Variants in PDZRN4 observed in about 807,000 individuals in gnomAD.
The protein encoded by PDZRN4 is PDZ domain-containing RING finger protein 4.
In PDZRN4, 70 loss-of-function variants were observed where a neutral mutation model predicts 99.0. That is an observed-to-expected ratio of 0.71 (90% CI 0.58 to 0.86). The LOEUF (loss-of-function observed/expected upper bound fraction) is 0.86. PDZRN4 is among the 40% of genes least tolerant of loss of function. The probability of loss-of-function intolerance (pLI) is 0.00; values close to 1 mark genes in which losing one functional copy is unlikely to be tolerated. For synonymous variants in PDZRN4, 551 were observed against 501.6 expected, an observed-to-expected ratio of 1.10 and a Z score of -1.32; for missense variants, 1,474 against 1,331.2, an observed-to-expected ratio of 1.11 and a Z score of -1.67.
At chr12:41,387,722 A>G (rs1336626096) in intron 3 of PDZRN4, among the ~76,000 whole-genome samples, 1 of 152,232 alleles carries the variant, frequency 6.6e-6, no homozygotes, top group East Asian at 1.9e-4. Context: ...CAAAACCACA[A>G]TGAGCTACCA....
At chr12:41,324,851 G>T (rs1951700612) in intron 3 of PDZRN4, among the ~76,000 whole-genome samples, 1 of 152,068 alleles carries the variant, frequency 6.6e-6, no homozygotes, top group Non-Finnish European at 1.5e-5. Flanking sequence ...GTTGATGTGA[G>T]AATATTTGGA....
chr12:41,525,940 C>T (rs1938560784), intron 5 of PDZRN4, among the ~76,000 whole-genome samples: 1 of 152,102 alleles, frequency 6.6e-6, no homozygotes, highest in Non-Finnish European at 1.5e-5. Flanking sequence ...CTTTGATTCT[C>T]TGCCATTTTT....
intron 3 of PDZRN4, among the ~76,000 whole-genome samples, chr12:41,502,634 C>T (rs1938131062): frequency 6.6e-6 from 1 of 152,106 alleles, no homozygotes; most frequent in South Asian, 2.1e-4. Flanking sequence ...TGGGTATCTA[C>T]CCTTAACTAC....
intron 3 of PDZRN4, among the ~76,000 whole-genome samples, chr12:41,420,667 C>T (rs1251334943): frequency 1.3e-5 from 2 of 152,152 alleles, no homozygotes; most frequent in Non-Finnish European, 1.5e-5. Context: ...ACTCCCTTAA[C>T]TCTTGTCTTT....
At chr12:41,518,767 T>C (rs756690218) in intron 5 of PDZRN4, among the ~76,000 whole-genome samples, 2 of 151,964 alleles carry the variant, frequency 1.3e-5, no homozygotes, top group Non-Finnish European at 2.9e-5. Context: ...GTCTGGCCTA[T>C]GTAGTGAGAC....
intron 2 of PDZRN4, among the ~76,000 whole-genome samples, chr12:41,191,746 T>TTATA (rs1950736737): frequency 1.8e-5 from 1 of 54,690 alleles, no homozygotes; most frequent in Admixed American, 2.0e-4. Context: ...TACCCAGATT[T>TTATA]TATTTATTTA....
intron 5 of PDZRN4, among the ~76,000 whole-genome samples, chr12:41,541,900 A>C (rs1938864614): frequency 1.3e-5 from 2 of 152,182 alleles, no homozygotes; most frequent in South Asian, 4.1e-4. Context: ...TATTTAGGCA[A>C]AAGGTATTTT....
intron 3 of PDZRN4, among the ~76,000 whole-genome samples, chr12:41,195,358 T>A (rs911548426): frequency 6.6e-6 from 1 of 152,194 alleles, no homozygotes; most frequent in Admixed American, 6.5e-5. Flanking sequence ...ACTAGTGCTA[T>A]CTCTCTGAAT....
chr12:41,195,295 A>G (rs1160505667), intron 3 of PDZRN4, among the ~76,000 whole-genome samples: 2 of 152,202 alleles, frequency 1.3e-5, no homozygotes, highest in Non-Finnish European at 2.9e-5. Flanking sequence ...TGGAAGGTTT[A>G]CTTGACTCCA....
At chr12:41,232,580 T>A (rs887606569) in intron 3 of PDZRN4, among the ~76,000 whole-genome samples, 2 of 152,140 alleles carry the variant, frequency 1.3e-5, no homozygotes, top group Non-Finnish European at 2.9e-5. Flanking sequence ...TAACCCTTTG[T>A]CAGATGAGTA....
intron 3 of PDZRN4, among the ~76,000 whole-genome samples, chr12:41,211,167 G>C (rs563312961): frequency 2.0e-4 from 31 of 152,008 alleles, no homozygotes; most frequent in African/African-American, 7.5e-4. Flanking sequence ...CCACACAAGG[G>C]TACTTTATAT....
intron 5 of PDZRN4, among the ~76,000 whole-genome samples, chr12:41,530,018 T>G (rs928245054): frequency 1.2e-4 from 18 of 152,354 alleles, no homozygotes; most frequent in Admixed American, 1.0e-3. Flanking sequence ...TTTATGCTTT[T>G]GGTGCTATCA....
Position 41,421,682 on chromosome 12 carries a change from G to C in PDZRN4, c.844-84774G>C, listed in dbSNP as rs974396396. Among the ~76,000 whole-genome samples the C allele has an allele frequency of 2.0e-5, 3 of 152,112 alleles. No homozygotes were observed. In the South Asian group the frequency reaches 6.2e-4, roughly 31 times the overall value. On this transcript the variant is annotated intron_variant, in intron 3 of 9. Coordinates refer to ENST00000402685, the MANE Select transcript of PDZRN4 (RefSeq NM_001164595.2). Reference sequence around the variant, plus strand: ...CACACTTTGCGCCAGACTAAATTAAGTGTCACCCCTTTAATGTTCCCATTA... The same window carrying C: ...CACACTTTGCGCCAGACTAAATTAACTGTCACCCCTTTAATGTTCCCATTA...
intron 3 of PDZRN4, among the ~76,000 whole-genome samples, chr12:41,301,268 G>A (rs78815170): frequency 3.9e-5 from 6 of 151,966 alleles, no homozygotes; most frequent in East Asian, 1.9e-4. Flanking sequence ...TTCCAGATAC[G>A]CACTGTGAGG....
chr12:41,368,943 G>T (rs554551654), intron 3 of PDZRN4, among the ~76,000 whole-genome samples: 1 of 152,138 alleles, frequency 6.6e-6, no homozygotes, highest in South Asian at 2.1e-4. Context: ...AAGTAAGAGA[G>T]TTACCCAAGA....
At chr12:41,457,231 A>G (rs1952823806) in intron 3 of PDZRN4, among the ~76,000 whole-genome samples, 2 of 152,196 alleles carry the variant, frequency 1.3e-5, no homozygotes, top group African/African-American at 4.8e-5. Context: ...CTATTGGAGT[A>G]TATCATATCC....
chr12:41,208,674 G>A (rs1031873163), intron 3 of PDZRN4, among the ~76,000 whole-genome samples: 2 of 151,792 alleles, frequency 1.3e-5, no homozygotes, highest in Admixed American at 6.6e-5. Context: ...ATAAAAGCTT[G>A]AACCTCTAAT....
intron 3 of PDZRN4, among the ~76,000 whole-genome samples, chr12:41,314,469 AT>A (rs1316973204): frequency 6.6e-6 from 1 of 152,220 alleles, no homozygotes; most frequent in East Asian, 1.9e-4. Context: ...CAATTTACAG[AT>A]GTAGAATATG....
chr12:41,302,422 T>C (rs1403490653), intron 3 of PDZRN4, among the ~76,000 whole-genome samples: 1 of 152,228 alleles, frequency 6.6e-6, no homozygotes, highest in Middle Eastern at 3.4e-3. Flanking sequence ...TACACCCCAG[T>C]TTTTAAAATA....
Sources: gnomAD v4.1 joint callset for allele counts (sites outside exome capture counted in the v4.1 genomes callset) on GRCh38, gnomAD v4.1.1 for gene constraint, MANE v1.5 for transcripts, NCBI Gene and HGNC (gene_info 2026-07-23, HGNC 2026-07-21) for gene names.